The following OPCML variants were observed in gnomAD, a reference collection of about 807,000 sequenced individuals.
The protein encoded by OPCML is opioid binding protein/cell adhesion molecule like, also known as opioid-binding protein/cell adhesion molecule.
Under a neutral mutation model 37.8 loss-of-function variants are expected in OPCML, and 13 were observed. The observed-to-expected ratio is 0.34, with a 90% confidence interval of 0.22 to 0.55. The LOEUF is 0.55. OPCML is among the 20% of genes least tolerant of loss of function. The probability of loss-of-function intolerance (pLI) is 0.91; values close to 1 mark genes in which losing one functional copy is unlikely to be tolerated. For missense variants in OPCML, 341 were observed against 435.6 expected (o/e 0.78, Z 1.93); for synonymous variants, 176 against 168.8 (o/e 1.04, Z -0.33).
At chr11:132,558,797 C>A (rs2137487909) in intron 3 of OPCML, among the ~76,000 whole-genome samples, 1 of 151,952 alleles carries the variant, frequency 6.6e-6, no homozygotes, top group South Asian at 2.1e-4. Flanking sequence ...TATTCTTTAC[C>A]CTGATTCTGT....
At chr11:132,899,317 T>G (rs1431897896) in intron 2 of OPCML, among the ~76,000 whole-genome samples, 1 of 152,212 alleles carries the variant, frequency 6.6e-6, no homozygotes, top group Non-Finnish European at 1.5e-5. Flanking sequence ...ATGTTATAAA[T>G]ATGTTAAGCA....
chr11:132,849,672 AG>A (rs34305151), intron 2 of OPCML, among the ~76,000 whole-genome samples: 31,461 of 152,140 alleles, frequency 0.21, 4,318 homozygotes, highest in Non-Finnish European at 0.28. Context: ...AACTATCTTG[AG>A]GAACAGTGCT....
intron 2 of OPCML, among the ~76,000 whole-genome samples, chr11:132,810,210 T>A (rs192440083): frequency 3.0e-4 from 45 of 152,224 alleles, no homozygotes; most frequent in South Asian, 8.3e-4. Context: ...CAGCCATACC[T>A]GCCTGAAAGG....
intron 1 of OPCML, among the ~76,000 whole-genome samples, chr11:132,959,030 C>CTTCT (rs1288380323): frequency 6.6e-6 from 1 of 152,216 alleles, no homozygotes; most frequent in Non-Finnish European, 1.5e-5. Flanking sequence ...AATAGTGATT[C>CTTCT]TTCTGATGGA....
intron 1 of OPCML, among the ~76,000 whole-genome samples, chr11:133,328,121 G>T (rs1279019210): frequency 6.6e-6 from 1 of 151,336 alleles, no homozygotes; most frequent in Non-Finnish European, 1.5e-5. Context: ...CTATAAAACA[G>T]AATAATGATA....
At chr11:133,018,610 GTATT>G (rs1427395555) in intron 1 of OPCML, among the ~76,000 whole-genome samples, 1 of 152,192 alleles carries the variant, frequency 6.6e-6, no homozygotes, top group Admixed American at 6.5e-5. Context: ...GCTCCGCGCT[GTATT>G]TAGAGGTCAG....
intron 2 of OPCML, chr11:132,859,683 C>T (rs915179531): frequency 6.6e-6 from 1 of 152,156 alleles, no homozygotes; most frequent in African/African-American, 2.4e-5. Context: ...GAAATTCTAA[C>T]GTTAAAGGTT....
rs1036394262 is a variant in OPCML, at chr11:133,181,846, A to T, written c.62-238836T>A. 1.5e-4 allele frequency among the ~76,000 whole-genome samples: 23 copies of T among 152,310 alleles called. 1 individual carries two copies. Among genetic ancestry groups the T allele is most frequent in the Admixed American group, 1.1e-3 (17 of 15,300 alleles). On this transcript the variant is annotated intron_variant, in intron 1 of 7. Coordinates refer to ENST00000524381, the MANE Select transcript of OPCML (RefSeq NM_001012393.5). ...AACAGCCTAGTACTGATCCCTCCAC[A>T]GAGTAATTGGAAGGCAGCCCCGATG... is the stretch of plus-strand genomic sequence containing the variant.
At chr11:133,064,021 T>C (rs1266135901) in intron 1 of OPCML, among the ~76,000 whole-genome samples, 2 of 144,764 alleles carry the variant, frequency 1.4e-5, no homozygotes, top group African/African-American at 5.2e-5. Flanking sequence ...TTTAATTTTC[T>C]TTCTTTCTTT....
chr11:133,313,646 G>C (rs1943118432), intron 1 of OPCML, among the ~76,000 whole-genome samples: 1 of 152,064 alleles, frequency 6.6e-6, no homozygotes, highest in African/African-American at 2.4e-5. Flanking sequence ...ATTGGCTTTG[G>C]ATATGAGAGA....
intron 1 of OPCML, among the ~76,000 whole-genome samples, chr11:132,983,160 C>T (rs1312206917): frequency 6.6e-6 from 1 of 152,166 alleles, no homozygotes; most frequent in African/African-American, 2.4e-5. Context: ...AAGAGGCAGT[C>T]ACCCCAGCAT....
At chr11:132,806,851 T>G (rs1939042478) in intron 2 of OPCML, among the ~76,000 whole-genome samples, 1 of 152,186 alleles carries the variant, frequency 6.6e-6, no homozygotes, top group Admixed American at 6.5e-5. Flanking sequence ...ACCATTATCC[T>G]TGGCCTTAGA....
chr11:132,528,841 G>T (rs999211519), intron 4 of OPCML, among the ~76,000 whole-genome samples: 2 of 152,142 alleles, frequency 1.3e-5, no homozygotes, highest in African/African-American at 2.4e-5. Flanking sequence ...GAAAACAAAA[G>T]CCATCTAAGG....
intron 1 of OPCML, among the ~76,000 whole-genome samples, chr11:133,231,023 G>A (rs1052466614): frequency 1.3e-5 from 2 of 152,122 alleles, no homozygotes; most frequent in African/African-American, 4.8e-5. Context: ...AATAATAAGG[G>A]GCTGTCTGCC....
intron 1 of OPCML, among the ~76,000 whole-genome samples, chr11:133,438,476 A>G (rs1946290611): frequency 6.6e-6 from 1 of 152,242 alleles, no homozygotes; most frequent in Non-Finnish European, 1.5e-5. Flanking sequence ...TTAAACTCTG[A>G]AAAATAAAAT....
chr11:132,789,432 G>A (rs1372562083), intron 2 of OPCML, among the ~76,000 whole-genome samples: 1 of 152,140 alleles, frequency 6.6e-6, no homozygotes, highest in Non-Finnish European at 1.5e-5. Context: ...TAGATGCTTA[G>A]AAAAAGAGTT....
intron 1 of OPCML, among the ~76,000 whole-genome samples, chr11:133,099,232 C>T (rs998140468): frequency 2.0e-5 from 3 of 151,268 alleles, no homozygotes; most frequent in Admixed American, 6.6e-5. Context: ...CAATAGTCTC[C>T]GAAACTTTGC....
chr11:132,746,473 C>T (rs1945640466), intron 2 of OPCML, among the ~76,000 whole-genome samples: 1 of 152,108 alleles, frequency 6.6e-6, no homozygotes, highest in Non-Finnish European at 1.5e-5. Flanking sequence ...CTCTGTGTCT[C>T]AGGGGTAAGG....
intron 1 of OPCML, among the ~76,000 whole-genome samples, chr11:133,262,807 A>C (rs1439867832): frequency 6.6e-6 from 1 of 151,908 alleles, no homozygotes; most frequent in Non-Finnish European, 1.5e-5. Flanking sequence ...GTCCCCAGGA[A>C]GAGCGTGCAG....
Sources: gnomAD v4.1 joint callset for allele counts (sites outside exome capture counted in the v4.1 genomes callset) on GRCh38, gnomAD v4.1.1 for gene constraint, MANE v1.5 for transcripts, NCBI Gene and HGNC (gene_info 2026-07-23, HGNC 2026-07-21) for gene names.